Variants in ELN observed in about 807,000 individuals in gnomAD.
The protein encoded by ELN is tropoelastin.
ELN carries 65 observed loss-of-function variants against 105.8 expected under a neutral mutation model. The ratio of observed to expected loss-of-function variants is 0.61; its 90% CI spans 0.50 to 0.75. The LOEUF (loss-of-function observed/expected upper bound fraction) is 0.75. Among genes scored for constraint, ELN ranks in the 30% least tolerant of loss-of-function variants. The pLI is 0.00. For missense variants in ELN, 882 were observed against 969.4 expected (o/e 0.91, Z 1.20); for synonymous variants, 368 against 389.2 (o/e 0.95, Z 0.64).
rs781956448 is a variant in ELN at position 74,046,200 on chromosome 7, C to G, written c.554C>G (p.Ala185Gly). The change falls in exon 11 of 33, where the codon GCT becomes GGT. Residue 185 changes from alanine to glycine, a missense_variant. Ala to Gly is a moderately conservative substitution (Grantham distance 60). Coordinates refer to ENST00000252034, the MANE Select transcript of ELN (RefSeq NM_000501.4). ...TTTATCATTACAGGTGTAGGTGGAG[C>G]TTTTGCTGGAATCCCAGGTGAGGCA... ...VKPKAPGVGGAFAGIPGVGPF... is the reference protein window; with the variant it reads ...VKPKAPGVGGGFAGIPGVGPF... 2.0e-5 allele frequency: 32 copies of G among 1,614,114 alleles called. No homozygotes were observed. In the Admixed American group the frequency reaches 3.7e-4, roughly 18 times the overall value.
intron 2 of ELN, among the ~76,000 whole-genome samples, chr7:74,036,065 C>T (rs959074192): frequency 4.0e-5 from 6 of 151,872 alleles, no homozygotes; most frequent in African/African-American, 7.3e-5. Context: ...CTGAGGCAGG[C>T]GGATCACAAG....
At chr7:74,060,964 T>G (rs1554684083) in intron 25 of ELN, 137 bp from the exon 26 acceptor site, 5 of 1,060,586 alleles carry the variant, frequency 4.7e-6, no homozygotes, top group African/African-American at 1.6e-5. Flanking sequence ...CCTAAAGCTC[T>G]GTGCCTGTAC....
At chr7:74,028,731 G>T (rs1022184393) in intron 1 of ELN, among the ~76,000 whole-genome samples, 2 of 152,192 alleles carry the variant, frequency 1.3e-5, no homozygotes, top group African/African-American at 2.4e-5. Flanking sequence ...ACCTCAGCAG[G>T]TTCCTTGACC....
rs374756911 is a variant in ELN, at chr7:74,051,808, T to C, written c.858T>C (p.Pro286=). ...GVGGAGVPGV[P]GAIPGIGGIA... is the part of the protein sequence containing the mutation. ...GAGGGGCTGGTGTTCCTGGCGTGCC[T>C]GGGGCAATTCCTGGAATTGGAGGCA... is the stretch of plus-strand genomic sequence containing the variant. The change falls in exon 16 of 33, where the codon CCT becomes CCC. Residue 286 remains proline (P), a synonymous_variant. Transcript: ENST00000252034. The C allele has an allele frequency of 4.0e-5, 64 of 1,614,082 alleles. No homozygotes were observed. The highest frequency in any genetic ancestry group is 5.4e-5 in the Non-Finnish European group (64 of 1,180,028).
intron 13 of ELN, 28 bp from the exon 14 acceptor site, chr7:74,048,114 A>G (rs782687596): frequency 6.2e-7 from 1 of 1,613,914 alleles, no homozygotes; most frequent in South Asian, 1.1e-5. Flanking sequence ...GTCTGCACAG[A>G]TGACCATCAA....
Position 74,061,131 on chromosome 7 carries a change from C to A in ELN, c.1778C>A (p.Ala593Asp), listed in dbSNP as rs1796553212. The A allele has an allele frequency of 3.7e-6, 6 of 1,614,134 alleles. No individual in the cohort carries two copies. Among genetic ancestry groups the A allele is most frequent in the Non-Finnish European group, 5.1e-6 (6 of 1,180,038 alleles). Residue 593 changes from alanine to aspartate, a missense_variant, in exon 26 of 33, where the codon GCC (alanine) becomes GAC (aspartate). Ala to Asp is a moderately radical substitution (Grantham distance 126). Coordinates refer to ENST00000252034, the MANE Select transcript of ELN (RefSeq NM_000501.4). ...GGAGCCCTGGCTGCCGCTAAAGCAG[C>A]CAAATATGGTGAGTGCACCCCACAA... ...VPGALAAAKA[A>D]KYGAAVPGVL...
intron 17 of ELN, chr7:74,052,688 A>G: frequency 7.5e-6 from 1 of 132,868 alleles, no homozygotes. Context: ...GAAGGAAGGA[A>G]GGGAGGGAGG....
Position 74,067,275 on chromosome 7 carries a change from T to C in ELN, c.2131+499T>C, listed in dbSNP as rs1251902358. Among the ~76,000 whole-genome samples, 8 of 94,410 alleles carry C rather than the reference T, an allele frequency of 8.5e-5. No individual in the cohort carries two copies. The East Asian group carries it at 9.1e-4, about 11-fold the overall frequency. The allele number at this position is 94,410 out of a possible 152,430, so 61.9% of individuals were successfully genotyped here. A position where few individuals can be genotyped will look rare whatever the true frequency, so the allele number is the denominator to read the frequency against. On this transcript the variant is annotated intron_variant, in intron 32 of 32. Transcript: ENST00000252034. ...CTCTACTAAAAATACTATAGTCTTCTTTTTTTTTTTGAGATGGAGTCTTGC... is the reference window on the plus strand; with the variant it reads ...CTCTACTAAAAATACTATAGTCTTCCTTTTTTTTTTGAGATGGAGTCTTGC...
intron 22 of ELN, chr7:74,059,601 T>C (rs1554682556): frequency 1.9e-5 from 10 of 538,474 alleles, no homozygotes; most frequent in Middle Eastern, 5.0e-4. Flanking sequence ...GGAGACTCAC[T>C]TGAACTCGGG....
chr7:74,069,769 C>T lies in ELN; in HGVS notation c.*1069C>T, dbSNP rs1167439331. The T allele has an allele frequency of 3.1e-5, 7 of 223,970 alleles. No homozygotes were observed. The highest frequency in any genetic ancestry group is 1.3e-4 in the East Asian group (2 of 15,630). 13.9% of individuals were successfully genotyped at this position (223,970 alleles called of 1,614,324 possible). ...AAAAAGATAATTTTTTTTTCTGATCCGGGGAGCTGTATCCCCAGTAGAAAA... is the reference window on the plus strand; with the variant it reads ...AAAAAGATAATTTTTTTTTCTGATCTGGGGAGCTGTATCCCCAGTAGAAAA... On this transcript the variant is annotated 3_prime_UTR_variant, in exon 33 of 33. Coordinates refer to ENST00000252034, the MANE Select transcript of ELN (RefSeq NM_000501.4).
At chr7:74,050,549 C>G (rs957943544) in intron 15 of ELN, among the ~76,000 whole-genome samples, 4 of 151,636 alleles carry the variant, frequency 2.6e-5, no homozygotes, top group Non-Finnish European at 5.9e-5. Flanking sequence ...ATGCATGCAT[C>G]CATCCATCCA....
At chr7:74,042,031 T>C (rs1360713315) in intron 5 of ELN, among the ~76,000 whole-genome samples, 2 of 146,914 alleles carry the variant, frequency 1.4e-5, no homozygotes, top group African/African-American at 2.5e-5. Context: ...CAAGCCACCG[T>C]GCCCAGCCAC....
intron 1 of ELN, 108 bp downstream of exon 1, chr7:74,028,377 G>T (rs1787913787): frequency 2.3e-6 from 3 of 1,310,638 alleles, no homozygotes; most frequent in Non-Finnish European, 3.2e-6. Flanking sequence ...AACTGCAAGG[G>T]GTCCCAGGTG....
chr7:74,035,843 G>A (rs888334695), intron 2 of ELN, among the ~76,000 whole-genome samples: 1 of 152,130 alleles, frequency 6.6e-6, no homozygotes, highest in Non-Finnish European at 1.5e-5. Flanking sequence ...GGAGGCTGAG[G>A]CAGGAGGATC....
intron 4 of ELN, among the ~76,000 whole-genome samples, chr7:74,040,845 A>C (rs1584523179): frequency 6.6e-6 from 1 of 152,114 alleles, no homozygotes; most frequent in East Asian, 1.9e-4. Context: ...GAGTCAAGAG[A>C]TATCTGCAAG....
At chr7:74,047,845 G>C in intron 13 of ELN, 129 bp downstream of exon 13, 4 of 1,352,614 alleles carry the variant, frequency 3.0e-6, no homozygotes, top group Non-Finnish European at 4.2e-6. Context: ...TCTTGGAGTG[G>C]GAATCTCAGA....
chr7:74,063,046 C>A lies in ELN; in HGVS notation c.1787-107C>A. 1 of 1,382,994 alleles carries A rather than the reference C, an allele frequency of 7.2e-7. No homozygotes were observed. The highest frequency in any genetic ancestry group is 9.9e-7 in the Non-Finnish European group (1 of 1,005,744). 85.7% of individuals were successfully genotyped at this position (1,382,994 alleles called of 1,614,324 possible). A position where few individuals can be genotyped will look rare whatever the true frequency, so the allele number is the denominator to read the frequency against. On this transcript the variant is annotated intron_variant, in intron 26 of 32. Transcript: ENST00000252034. This position sits in a 1 kb window ranked among gnomAD's most constrained non-coding sequence, Gnocchi z 4.1. Reference sequence around the variant, plus strand: ...CTGGACTTCCTGTCCACTGCTCCTCCACAGTGTCACATGGCCCCTGCCACC... The same window carrying A: ...CTGGACTTCCTGTCCACTGCTCCTCAACAGTGTCACATGGCCCCTGCCACC...
chr7:74,055,696 T>C (rs1795078876), intron 19 of ELN, among the ~76,000 whole-genome samples: 1 of 151,918 alleles, frequency 6.6e-6, no homozygotes, highest in South Asian at 2.1e-4. Context: ...GCCAGGCTGG[T>C]CTCGAACTCC....
chr7:74,054,700 C>T lies in ELN; in HGVS notation c.1097-16C>T. Reference sequence around the variant, plus strand: ...CAATCTCTCCTGAGCATTTGTGTCCCTTTTGGTCTCTCCAGGGGTTGTGTC... The same window carrying T: ...CAATCTCTCCTGAGCATTTGTGTCCTTTTTGGTCTCTCCAGGGGTTGTGTC... On this transcript the variant is annotated splice_polypyrimidine_tract_variant and intron_variant, in intron 18 of 32. Transcript: ENST00000252034. 1 of 1,614,106 alleles carries T rather than the reference C, an allele frequency of 6.2e-7. No homozygotes were observed. Among genetic ancestry groups the T allele is most frequent in the Non-Finnish European group, 8.5e-7 (1 of 1,179,966 alleles).
Sources: allele counts gnomAD v4.1 joint callset (sites outside exome capture counted in the v4.1 genomes callset), GRCh38; gene constraint gnomAD v4.1.1; non-coding constraint Gnocchi (gnomAD v3.1); transcripts MANE v1.5; gene names NCBI Gene and HGNC (gene_info 2026-07-23, HGNC 2026-07-21).